The following N4BP2L2 variants were observed in gnomAD, a reference collection of about 807,000 sequenced individuals.
N4BP2L2 encodes NEDD4 binding protein 2 like 2, also known as NEDD4-binding protein 2-like 2.
N4BP2L2 carries 50 observed loss-of-function variants against 56.2 expected under a neutral mutation model. That is an observed-to-expected ratio of 0.89 (90% CI 0.71 to 1.13). The LOEUF (loss-of-function observed/expected upper bound fraction) is 1.13, where lower values mean the gene tolerates loss of function less well. Among genes scored for constraint, N4BP2L2 ranks in the 50% most tolerant of loss-of-function variants. N4BP2L2 has a pLI of 0.00. For synonymous variants in N4BP2L2, 203 were observed against 223.6 expected (o/e 0.91, Z 0.82); for missense variants, 689 against 693.8 (o/e 0.99, Z 0.08).
rs545024757 is a variant in N4BP2L2, at chr13:32,448,377, G to GA, written c.366-4252dup. On this transcript the variant is annotated intron_variant, in intron 6 of 9. Coordinates refer to the N4BP2L2 transcript ENST00000357505. ...TTAGGAATGAATGGTACCATTAGAA[G>GA]AAAAAAAATCACTAAATAAAAGTTA... Among the ~76,000 whole-genome samples, 8 of 151,856 alleles carry GA rather than the reference G, an allele frequency of 5.3e-5. No individual in the cohort carries two copies. The South Asian group carries it at 8.3e-4, about 16-fold the overall frequency.
intron 6 of N4BP2L2, among the ~76,000 whole-genome samples, chr13:32,466,421 G>T (rs958610185): frequency 6.6e-6 from 1 of 151,932 alleles, no homozygotes; most frequent in African/African-American, 2.4e-5. Flanking sequence ...ACAAAAATTA[G>T]TTGGGCATAG....
chr13:32,520,098 C>A (rs2050378600), intron 5 of N4BP2L2, among the ~76,000 whole-genome samples: 1 of 151,746 alleles, frequency 6.6e-6, no homozygotes, highest in Admixed American at 6.6e-5. Context: ...AGAAAGTAGC[C>A]AAAGGAATGA....
At chr13:32,459,271 A>G (rs1334687054) in intron 6 of N4BP2L2, among the ~76,000 whole-genome samples, 1 of 152,184 alleles carries the variant, frequency 6.6e-6, no homozygotes, top group African/African-American at 2.4e-5. Context: ...AATAGAAGAA[A>G]AGAAATATTA....
Position 32,485,538 on chromosome 13 carries a change from CA to C in N4BP2L2, c.365+32318del, listed in dbSNP as rs557664092. ...TCCTATGAATATGGATGCAAAACCT[CA>C]AAAAAATAGCTGACTAAATCTAGCT... On this transcript the variant is annotated intron_variant, in intron 6 of 9. Transcript: ENST00000357505. 1.6e-3 allele frequency among the ~76,000 whole-genome samples: 248 copies of C among 152,070 alleles called. 1 individual carries two copies. Among genetic ancestry groups the C allele is most frequent in the Non-Finnish European group, 2.6e-3 (180 of 67,988 alleles).
rs116757326 is a variant in N4BP2L2 at position 32,444,102 on chromosome 13, C to A, written c.390G>T (p.Gly130=). 8.1e-4 allele frequency: 1,245 copies of A among 1,531,492 alleles called. 9 individuals carry two copies. In the African/African-American group the frequency reaches 0.015, roughly 19 times the overall value. 94.9% of individuals were successfully genotyped at this position (1,531,492 alleles called of 1,614,324 possible). A position where few individuals can be genotyped will look rare whatever the true frequency, so the allele number is the denominator to read the frequency against. ...TCTGTTTGGTTTTGCTGAGCCTATG[C>A]CCAGTTTTCTTCAAAACTCTTTCTC... is the stretch of plus-strand genomic sequence containing the variant. The change falls in exon 7 of 10, where the codon GGG becomes GGT. Residue 130 remains glycine (G), a synonymous_variant. Coordinates refer to the N4BP2L2 transcript ENST00000357505.
At chr13:32,463,918 C>CAAAAAA (rs58685358) in intron 6 of N4BP2L2, among the ~76,000 whole-genome samples, 26,780 of 62,324 alleles carry the variant, frequency 0.43, 4,460 homozygotes, top group Admixed American at 0.49. Context: ...TGCCCATGAC[C>CAAAAAA]AAAAAAAAAA....
chr13:32,518,972 T>C (rs1158402251), intron 5 of N4BP2L2, among the ~76,000 whole-genome samples: 2 of 152,134 alleles, frequency 1.3e-5, no homozygotes, highest in African/African-American at 4.8e-5. Flanking sequence ...TGACAAAACA[T>C]ACAGGAAACA....
intron 2 of N4BP2L2, among the ~76,000 whole-genome samples, chr13:32,528,907 C>G (rs1232395676): frequency 6.6e-6 from 1 of 152,110 alleles, no homozygotes; most frequent in African/African-American, 2.4e-5. Context: ...AGATTGGTTC[C>G]AGGACCACAC....
intron 6 of N4BP2L2, among the ~76,000 whole-genome samples, chr13:32,484,084 A>G (rs756694436): frequency 6.6e-5 from 10 of 152,118 alleles, no homozygotes; most frequent in Non-Finnish European, 1.2e-4. Flanking sequence ...CCAAGGCAGA[A>G]GGAGTGCTTC....
intron 6 of N4BP2L2, among the ~76,000 whole-genome samples, chr13:32,464,054 A>G (rs961598131): frequency 6.6e-6 from 1 of 152,202 alleles, no homozygotes; most frequent in African/African-American, 2.4e-5. Flanking sequence ...AGGAAACTAC[A>G]TAGGTAAATA....
chr13:32,481,786 T>C (rs1307474819), intron 6 of N4BP2L2, among the ~76,000 whole-genome samples: 1 of 152,322 alleles, frequency 6.6e-6, no homozygotes, highest in African/African-American at 2.4e-5. Flanking sequence ...CAAACTCTTA[T>C]TCTGTAAATA....
In N4BP2L2 at chr13:32,444,247, G is replaced by A. The variant is rs553785795; in HGVS notation, c.366-121C>T. 4.5e-6 allele frequency: 3 copies of A among 663,564 alleles called. No homozygotes were observed. The Admixed American group carries it at 1.2e-4, about 27-fold the overall frequency. The allele number at this position is 663,564 out of a possible 1,614,324, so 41.1% of individuals were successfully genotyped here. ...CCTTTAGTACAAGAGACTCTCAAGT[G>A]TGCACGTACTTTTTCTTTGTTTGTT... On this transcript the variant is annotated intron_variant, in intron 6 of 9. Transcript: ENST00000357505.
At chr13:32,515,662 A>G (rs1288108553) in exon 6 of N4BP2L2, 2 of 92,626 alleles carry the variant, frequency 2.2e-5, no homozygotes, top group African/African-American at 5.9e-5. Context: ...TAATATGAAC[A>G]TATTTCCTCA....
chr13:32,528,113 A>G (rs1228560123), intron 2 of N4BP2L2, among the ~76,000 whole-genome samples: 1 of 152,184 alleles, frequency 6.6e-6, no homozygotes, highest in Non-Finnish European at 1.5e-5. Context: ...GCAACTTTTT[A>G]AAACATTATT....
At chr13:32,456,624 A>C (rs2079031045) in intron 6 of N4BP2L2, among the ~76,000 whole-genome samples, 1 of 152,206 alleles carries the variant, frequency 6.6e-6, no homozygotes, top group African/African-American at 2.4e-5. Context: ...TAAATAATAC[A>C]AGGAAATCAG....
chr13:32,497,282 T>G (rs2088922296), intron 6 of N4BP2L2, among the ~76,000 whole-genome samples: 1 of 152,160 alleles, frequency 6.6e-6, no homozygotes, highest in African/African-American at 2.4e-5. Flanking sequence ...ACTCTGGCTC[T>G]TAAAGGACCA....
intron 7 of N4BP2L2, among the ~76,000 whole-genome samples, chr13:32,440,631 T>A (rs1371468529): frequency 2.0e-5 from 3 of 151,878 alleles, no homozygotes; most frequent in Non-Finnish European, 4.4e-5. Context: ...CCTGGCTAAT[T>A]TTTGTATTTT....
chr13:32,533,201 T>G (rs997416040), intron 2 of N4BP2L2, among the ~76,000 whole-genome samples: 2 of 152,138 alleles, frequency 1.3e-5, no homozygotes, highest in Non-Finnish European at 2.9e-5. Flanking sequence ...ATACAAAAAT[T>G]CCTTTGGGAT....
chr13:32,498,185 T>G (rs1354394452), intron 6 of N4BP2L2, among the ~76,000 whole-genome samples: 1 of 152,130 alleles, frequency 6.6e-6, no homozygotes, highest in East Asian at 1.9e-4. Context: ...GGGGTTTCAC[T>G]ATGTTGGCCA....
Sources: allele counts gnomAD v4.1 joint callset (sites outside exome capture counted in the v4.1 genomes callset), GRCh38; gene constraint gnomAD v4.1.1; transcripts MANE v1.5; gene names NCBI Gene and HGNC (gene_info 2026-07-23, HGNC 2026-07-21).